DCLK1: variants seen among roughly 807,000 people sequenced by gnomAD.
DCLK1 encodes doublecortin like kinase 1.
In DCLK1, 16 loss-of-function variants were observed where a neutral mutation model predicts 86.2. That is an observed-to-expected ratio of 0.19 (90% confidence interval 0.13 to 0.28). The LOEUF (loss-of-function observed/expected upper bound fraction) is 0.28. Among genes scored for constraint, DCLK1 ranks in the 10% least tolerant of loss-of-function variants. DCLK1 has a pLI of 1.00. For synonymous variants in DCLK1, 369 were observed against 370.5 expected (o/e 1.00, Z 0.05); for missense variants, 590 against 940.2 (o/e 0.63, Z 4.87).
At chr13:36,048,367 A>G (rs1380943148) in intron 3 of DCLK1, among the ~76,000 whole-genome samples, 1 of 152,202 alleles carries the variant, frequency 6.6e-6, no homozygotes, top group African/African-American at 2.4e-5. Context: ...TATTATATAT[A>G]TTGACAGGCA....
At chr13:35,893,991 A>G (rs1365140336) in intron 4 of DCLK1, among the ~76,000 whole-genome samples, 1 of 152,204 alleles carries the variant, frequency 6.6e-6, no homozygotes, top group African/African-American at 2.4e-5. Context: ...TGTATCATGC[A>G]TACAATTACT....
intron 3 of DCLK1, among the ~76,000 whole-genome samples, chr13:35,951,362 A>G (rs984364474): frequency 6.6e-6 from 1 of 151,074 alleles, no homozygotes; most frequent in Non-Finnish European, 1.5e-5. Context: ...CTAACCTGAA[A>G]AATGTTTCAA....
At position 35,865,694 on chromosome 13, in the gene DCLK1, T is replaced by A. The variant is rs529256430; in HGVS notation, c.940+5530A>T. ...CACTAGTTGGTCTGTAACTGATAGT[T>A]CTGAAAGTGTAAATGAACACCTAAC... On this transcript the variant is annotated intron_variant, in intron 5 of 16. Coordinates refer to ENST00000360631, the MANE Select transcript of DCLK1 (RefSeq NM_001330071.2). Among the ~76,000 whole-genome samples the A allele has an allele frequency of 1.4e-4, 21 of 152,326 alleles. No individual in the cohort carries two copies. The South Asian group carries it at 4.1e-3, about 30-fold the overall frequency.
intron 14 of DCLK1, among the ~76,000 whole-genome samples, chr13:35,807,964 G>C (rs891295560): frequency 2.0e-5 from 3 of 152,210 alleles, no homozygotes; most frequent in Admixed American, 1.3e-4. Flanking sequence ...GGCACAGCAA[G>C]AGGCTATAGC....
At chr13:36,013,124 T>A (rs797018727) in intron 3 of DCLK1, among the ~76,000 whole-genome samples, 1 of 121,122 alleles carries the variant, frequency 8.3e-6, no homozygotes, top group Non-Finnish European at 1.7e-5. Flanking sequence ...TAGTTATACA[T>A]TCTTCTAAAT....
chr13:36,117,902 T>C (rs1314176755), intron 2 of DCLK1, among the ~76,000 whole-genome samples: 1 of 152,118 alleles, frequency 6.6e-6, no homozygotes, highest in Non-Finnish European at 1.5e-5. Flanking sequence ...AAGAAGTCAC[T>C]TCCCACTTCC....
At chr13:35,850,574 C>T (rs1030115498) in intron 6 of DCLK1, 57 of 1,263,374 alleles carry the variant, frequency 4.5e-5, no homozygotes, top group Non-Finnish European at 5.6e-5. Flanking sequence ...AAACAAAATG[C>T]ATACATATTT....
intron 3 of DCLK1, among the ~76,000 whole-genome samples, chr13:36,004,758 C>T (rs1466704514): frequency 1.3e-5 from 2 of 151,994 alleles, no homozygotes; most frequent in African/African-American, 2.4e-5. Context: ...GCATTTTTTT[C>T]GTAGAAACAG....
chr13:35,958,226 T>C (rs1878216311), intron 3 of DCLK1, among the ~76,000 whole-genome samples: 14 of 136,798 alleles, frequency 1.0e-4, no homozygotes, highest in African/African-American at 1.2e-4. Flanking sequence ...CCACCACCAC[T>C]ATAACCACCA....
At chr13:36,000,636 T>C (rs912759330) in intron 3 of DCLK1, among the ~76,000 whole-genome samples, 2 of 152,186 alleles carry the variant, frequency 1.3e-5, no homozygotes, top group African/African-American at 4.8e-5. Context: ...TGAAAGATCA[T>C]TTGAAATGCC....
At chr13:35,793,254 C>A in intron 16 of DCLK1, 112 bp downstream of exon 16, 1 of 725,910 alleles carries the variant, frequency 1.4e-6, no homozygotes, top group Non-Finnish European at 2.3e-6. Flanking sequence ...GCTGAGCTGT[C>A]TAAAGAAATG....
At chr13:36,104,214 G>A (rs760547711) in intron 3 of DCLK1, among the ~76,000 whole-genome samples, 10 of 152,250 alleles carry the variant, frequency 6.6e-5, no homozygotes, top group Middle Eastern at 3.4e-3. Flanking sequence ...GCCATGACCC[G>A]TAAGGACCTT....
At chr13:36,041,851 A>G (rs1346006025) in intron 3 of DCLK1, among the ~76,000 whole-genome samples, 5 of 152,234 alleles carry the variant, frequency 3.3e-5, no homozygotes, top group Non-Finnish European at 1.5e-5. Context: ...TTTAGCTTCT[A>G]GTAAGATAAA....
intron 4 of DCLK1, among the ~76,000 whole-genome samples, chr13:35,932,877 C>T (rs1001710350): frequency 3.3e-5 from 5 of 152,186 alleles, no homozygotes; most frequent in African/African-American, 7.2e-5. Flanking sequence ...CCCAACAGTC[C>T]CCCAAAGTCT....
At chr13:36,007,145 G>C (rs1396918421) in intron 3 of DCLK1, among the ~76,000 whole-genome samples, 1 of 152,178 alleles carries the variant, frequency 6.6e-6, no homozygotes, top group Admixed American at 6.5e-5. Context: ...CTATGTCATA[G>C]ATTGACTGCT....
intron 8 of DCLK1, 116 bp downstream of exon 8, chr13:35,835,917 G>T: frequency 2.6e-6 from 2 of 761,570 alleles, no homozygotes; most frequent in Non-Finnish European, 2.1e-6. Flanking sequence ...TTGCATTTGG[G>T]GTTGAGACAT....
intron 6 of DCLK1, among the ~76,000 whole-genome samples, chr13:35,842,128 C>A (rs1435734465): frequency 2.1e-5 from 3 of 143,058 alleles, no homozygotes; most frequent in African/African-American, 7.8e-5. Flanking sequence ...AATCGGGAGG[C>A]TGAGGCAGGA....
At chr13:36,049,525 C>T (rs1019315435) in intron 3 of DCLK1, among the ~76,000 whole-genome samples, 1 of 152,216 alleles carries the variant, frequency 6.6e-6, no homozygotes, top group East Asian at 1.9e-4. Context: ...TCCTGGCTGT[C>T]CCATGTGGTC....
chr13:35,945,433 G>C (rs1877326655), intron 4 of DCLK1, among the ~76,000 whole-genome samples: 1 of 152,086 alleles, frequency 6.6e-6, no homozygotes, highest in African/African-American at 2.4e-5. Flanking sequence ...AGGGAGAAGG[G>C]GCCCCAAGTC....
Sources: allele counts gnomAD v4.1 joint callset (sites outside exome capture counted in the v4.1 genomes callset), GRCh38; gene constraint gnomAD v4.1.1; transcripts MANE v1.5; gene names NCBI Gene and HGNC (gene_info 2026-07-23, HGNC 2026-07-21).